The following CCDC134 variants were observed in gnomAD, a reference collection of about 807,000 sequenced individuals.
CCDC134 encodes the protein coiled-coil domain-containing protein 134.
Under a neutral mutation model 25.6 loss-of-function variants are expected in CCDC134, and 27 were observed. That is an observed-to-expected ratio of 1.05 (90% CI 0.78 to 1.45). The LOEUF (loss-of-function observed/expected upper bound fraction) is 1.45, where lower values mean the gene tolerates loss of function less well. Ranked by LOEUF, CCDC134 falls within the 40% of genes most tolerant of loss-of-function variation. The pLI is 0.00. For missense variants in CCDC134, 261 were observed against 286.7 expected, an observed-to-expected ratio of 0.91 and a Z score of 0.65; for synonymous variants, 110 against 115.0, an observed-to-expected ratio of 0.96 and a Z score of 0.28.
intron 5 of CCDC134, 86 bp downstream of exon 5, chr22:41,813,531 C>A: frequency 6.8e-7 from 1 of 1,465,458 alleles, no homozygotes. Context: ...TGGGCCTGAA[C>A]GTCAGTGCTT....
At chr22:41,810,147 G>T in intron 3 of CCDC134, 60 bp from the exon 4 acceptor site, 1 of 1,597,230 alleles carries the variant, frequency 6.3e-7, no homozygotes, top group Non-Finnish European at 8.6e-7. Flanking sequence ...AATAAATGGG[G>T]ATGGGAGCAG....
chr22:41,825,893 G>C lies in CCDC134; in HGVS notation c.*70G>C. On this transcript the variant is annotated 3_prime_UTR_variant, in exon 7 of 7. Coordinates refer to ENST00000255784, the MANE Select transcript of CCDC134 (RefSeq NM_024821.5). The surrounding 1 kb of genome is among the most constrained non-coding windows in gnomAD (Gnocchi z 4.4). Reference sequence around the variant, plus strand: ...GGGAGGAAGAAGAGGTGGAGGTGTGGTTGTGGTGGAGAGCACCAGCTAGCC... The same window carrying C: ...GGGAGGAAGAAGAGGTGGAGGTGTGCTTGTGGTGGAGAGCACCAGCTAGCC... 2 of 1,591,948 alleles carry C rather than the reference G, an allele frequency of 1.3e-6. No homozygotes were observed. Among genetic ancestry groups the C allele is most frequent in the Non-Finnish European group, 8.6e-7 (1 of 1,167,382 alleles).
chr22:41,808,578 C>G (rs567872501), intron 1 of CCDC134, among the ~76,000 whole-genome samples: 1 of 152,198 alleles, frequency 6.6e-6, no homozygotes, highest in Non-Finnish European at 1.5e-5. Context: ...TGCTCGAGGT[C>G]CCAGAGACGG....
At chr22:41,814,506 G>T (rs2076613190) in intron 6 of CCDC134, among the ~76,000 whole-genome samples, 1 of 152,012 alleles carries the variant, frequency 6.6e-6, no homozygotes, top group Admixed American at 6.6e-5. Flanking sequence ...AGTGGAGGTT[G>T]CAGTGAGCTG....
In CCDC134 at chr22:41,809,959, C is replaced by A. The variant is rs1267160665; in HGVS notation, c.184C>A (p.Gln62Lys). The change falls in exon 3 of 7, where the codon CAG becomes AAG. Residue 62 changes from glutamine (Q) to lysine (K), a missense_variant. Transcript: ENST00000255784. ...NLAQLNDIHQ[Q>K]YKILDVMLKG... ...GGCACAGCTGAACGACATCCACCAG[C>A]AGTACAAGATCCTTGATGTCATGCT... 6.2e-7 allele frequency: 1 copy of A among 1,614,160 alleles called. No homozygotes were observed. Among genetic ancestry groups the A allele is most frequent in the Non-Finnish European group, 8.5e-7 (1 of 1,180,032 alleles).
In CCDC134 at chr22:41,810,223, G is replaced by A. The variant is rs975926289; in HGVS notation, c.242G>A (p.Arg81Gln). ...KGLFKVLEDS[R>Q]TVLTAADVLP... is the part of the protein sequence containing the mutation. ...TTCCCTCAGGTGCTGGAGGACTCCC[G>A]GACAGTGCTCACCGCTGCTGATGTG... The change falls in exon 4 of 7, where the codon CGG (arginine) becomes CAG (glutamine). Residue 81 changes from arginine to glutamine, a missense_variant. Coordinates refer to ENST00000255784, the MANE Select transcript of CCDC134 (RefSeq NM_024821.5). The A allele has an allele frequency of 5.0e-6, 8 of 1,613,848 alleles. No homozygotes were observed. The African/African-American group carries it at 5.3e-5, about 11-fold the overall frequency.
At chr22:41,806,776 G>A (rs925611304) in intron 1 of CCDC134, among the ~76,000 whole-genome samples, 4 of 152,110 alleles carry the variant, frequency 2.6e-5, no homozygotes, top group Non-Finnish European at 5.9e-5. Context: ...AGCCAGGCAC[G>A]GTGGCTCACG....
At position 41,827,972 on chromosome 22, in the gene CCDC134, A is replaced by T. The variant is rs1246875773; in HGVS notation, c.*2149A>T. Among the ~76,000 whole-genome samples, 2 of 152,228 alleles carry T rather than the reference A, an allele frequency of 1.3e-5. No homozygotes were observed. Among genetic ancestry groups the T allele is most frequent in the African/African-American group, 4.8e-5 (2 of 41,460 alleles). ...TTAACTGGAGAAAAAACTTTCTAAGAACCAGGCCTGGTTGGCAGCAGACCT... is the reference window on the plus strand; with the variant it reads ...TTAACTGGAGAAAAAACTTTCTAAGTACCAGGCCTGGTTGGCAGCAGACCT... On this transcript the variant is annotated 3_prime_UTR_variant, in exon 7 of 7. Transcript: ENST00000255784.
At chr22:41,819,105 C>T (rs1042852716) in intron 6 of CCDC134, among the ~76,000 whole-genome samples, 2 of 152,152 alleles carry the variant, frequency 1.3e-5, no homozygotes, top group African/African-American at 2.4e-5. Context: ...TGATATCCTG[C>T]GTGGACTTGT....
chr22:41,822,699 A>T (rs1190743168), intron 6 of CCDC134, among the ~76,000 whole-genome samples: 1 of 152,188 alleles, frequency 6.6e-6, no homozygotes, highest in Non-Finnish European at 1.5e-5. Flanking sequence ...TCAGAGAGGA[A>T]TGGGGTCTCT....
At chr22:41,802,366 C>T (rs2076547605) in intron 1 of CCDC134, among the ~76,000 whole-genome samples, 1 of 152,068 alleles carries the variant, frequency 6.6e-6, no homozygotes, top group South Asian at 2.1e-4. Context: ...GGTCTCTTGC[C>T]ATGTTGGAGA....
intron 6 of CCDC134, among the ~76,000 whole-genome samples, chr22:41,820,316 T>C (rs1481264605): frequency 6.6e-6 from 1 of 151,822 alleles, no homozygotes; most frequent in East Asian, 1.9e-4. Flanking sequence ...TATATATTTT[T>C]AAGACAGATT....
At chr22:41,812,665 T>C (rs547553511) in intron 4 of CCDC134, among the ~76,000 whole-genome samples, 3 of 152,038 alleles carry the variant, frequency 2.0e-5, no homozygotes, top group African/African-American at 7.3e-5. Flanking sequence ...AATATATTCA[T>C]TCATTCATTC....
chr22:41,806,266 T>C (rs1431305744), intron 1 of CCDC134, among the ~76,000 whole-genome samples: 1 of 148,934 alleles, frequency 6.7e-6, no homozygotes, highest in Non-Finnish European at 1.5e-5. Flanking sequence ...TTGCCCAGGC[T>C]GGAGTGCAGT....
chr22:41,825,627 C>G lies in CCDC134; in HGVS notation c.565-71C>G, dbSNP rs1048452956. 3.1e-6 allele frequency: 5 copies of G among 1,590,788 alleles called. 1 individual carries two copies. The Middle Eastern group carries it at 5.1e-4, about 163-fold the overall frequency. On this transcript the variant is annotated intron_variant, in intron 6 of 6. Transcript: ENST00000255784. This position sits in a 1 kb window ranked among gnomAD's most constrained non-coding sequence, Gnocchi z 4.4. ...GGAACCTTCCTATTCCCACACCCCG[C>G]TGGTGGCCTAGCTCAGAGCAGGCTC...
chr22:41,804,314 G>A (rs1258978595), intron 1 of CCDC134, among the ~76,000 whole-genome samples: 1 of 152,162 alleles, frequency 6.6e-6, no homozygotes, highest in Non-Finnish European at 1.5e-5. Context: ...TAGGCACAAG[G>A]CTTGTACCTT....
At position 41,825,965 on chromosome 22, in the gene CCDC134, T is replaced by G; in HGVS notation, c.*142T>G. On this transcript the variant is annotated 3_prime_UTR_variant, in exon 7 of 7. Coordinates refer to ENST00000255784, the MANE Select transcript of CCDC134 (RefSeq NM_024821.5). The surrounding 1 kb of genome is among the most constrained non-coding windows in gnomAD (Gnocchi z 4.4). ...ATTTGCCCGGCCCCCTGGAGCTGGG[T>G]CTGAGCCCCAGCTGAAGGGACTGAG... 1 of 1,193,928 alleles carries G rather than the reference T, an allele frequency of 8.4e-7. No individual in the cohort carries two copies. The highest frequency in any genetic ancestry group is 1.2e-6 in the Non-Finnish European group (1 of 845,798). 74.0% of individuals were successfully genotyped at this position (1,193,928 alleles called of 1,614,324 possible).
chr22:41,806,282 G>A (rs1426372329), intron 1 of CCDC134, among the ~76,000 whole-genome samples: 1 of 146,684 alleles, frequency 6.8e-6, no homozygotes, highest in African/African-American at 2.6e-5. Flanking sequence ...GCAGTGGTGC[G>A]ATCTCGGCTC....
rs1412794643 is a variant in CCDC134 at position 41,825,888 on chromosome 22, G to GTGTGGT, written c.*72_*77dup. ...AGGTCGGGAGGAAGAAGAGGTGGAG[G>GTGTGGT]TGTGGTTGTGGTGGAGAGCACCAGC... On this transcript the variant is annotated 3_prime_UTR_variant, in exon 7 of 7. Transcript: ENST00000255784. The surrounding 1 kb of genome is among the most constrained non-coding windows in gnomAD (Gnocchi z 4.4). The GTGTGGT allele has an allele frequency of 6.3e-7, 1 of 1,596,372 alleles. No individual in the cohort carries two copies. Among genetic ancestry groups the GTGTGGT allele is most frequent in the Non-Finnish European group, 8.5e-7 (1 of 1,170,062 alleles).
Sources: gnomAD v4.1 joint callset for allele counts (sites outside exome capture counted in the v4.1 genomes callset) on GRCh38, gnomAD v4.1.1 for gene constraint, Gnocchi (gnomAD v3.1) non-coding constraint, MANE v1.5 for transcripts, NCBI Gene and HGNC (gene_info 2026-07-23, HGNC 2026-07-21) for gene names.